Variants in PRR16 observed in about 807,000 individuals in gnomAD.
PRR16 encodes the protein proline rich 16, also known as protein Largen.
A neutral mutation model predicts 18.2 loss-of-function variants in PRR16; 6 were observed. The observed-to-expected ratio is 0.33, with a 90% CI of 0.18 to 0.65. The LOEUF (loss-of-function observed/expected upper bound fraction) is 0.65. Ranked by LOEUF, PRR16 falls within the 30% of genes least tolerant of loss-of-function variation. PRR16 has a pLI of 0.74. For synonymous variants in PRR16, 151 were observed against 147.8 expected (o/e 1.02, Z -0.16); for missense variants, 412 against 376.6 (o/e 1.09, Z -0.78).
chr5:120,584,022 T>C (rs1753358494), intron 1 of PRR16, among the ~76,000 whole-genome samples: 1 of 152,168 alleles, frequency 6.6e-6, no homozygotes, highest in Non-Finnish European at 1.5e-5. Flanking sequence ...AAGACAGAGA[T>C]ATGCAAATAA....
intron 1 of PRR16, among the ~76,000 whole-genome samples, chr5:120,678,628 G>C (rs544904553): frequency 6.6e-6 from 1 of 152,168 alleles, no homozygotes; most frequent in Non-Finnish European, 1.5e-5. Context: ...GGATCTACTA[G>C]TAGTTTTTTT....
chr5:120,576,872 A>G (rs569383820), intron 1 of PRR16, among the ~76,000 whole-genome samples: 2 of 152,182 alleles, frequency 1.3e-5, no homozygotes, highest in South Asian at 2.1e-4. Flanking sequence ...TTCTGCCTCT[A>G]TAATTGTGTG....
chr5:120,611,244 T>G (rs1232188246), intron 1 of PRR16, among the ~76,000 whole-genome samples: 2 of 152,142 alleles, frequency 1.3e-5, no homozygotes, highest in Non-Finnish European at 2.9e-5. Context: ...AGCGTTAAAG[T>G]TTGGACAGTT....
At chr5:120,664,355 T>C (rs1756285623) in intron 1 of PRR16, among the ~76,000 whole-genome samples, 1 of 151,708 alleles carries the variant, frequency 6.6e-6, no homozygotes, top group Admixed American at 6.6e-5. Flanking sequence ...CGTGCTGCAA[T>C]CCTGGGAAGG....
At chr5:120,512,327 G>T (rs1433349689) in intron 1 of PRR16, among the ~76,000 whole-genome samples, 1 of 152,100 alleles carries the variant, frequency 6.6e-6, no homozygotes, top group Non-Finnish European at 1.5e-5. Context: ...ATCCCTTAAA[G>T]ATCACAATTG....
In PRR16 at chr5:120,600,103, A is replaced by G. The variant is rs141122294; in HGVS notation, c.160-85851A>G. ...CGGCTCATCAATTATCTTTTCTGTT[A>G]TGATTCCATTTCAGGGAAATGCTCT... On this transcript the variant is annotated intron_variant, in intron 1 of 1. Transcript: ENST00000407149. Among the ~76,000 whole-genome samples, 5 of 151,932 alleles carry G rather than the reference A, an allele frequency of 3.3e-5. No homozygotes were observed. The East Asian group carries it at 7.7e-4, about 24-fold the overall frequency.
rs560915992 is a variant in PRR16, at chr5:120,489,627, T to C, written c.159+24982T>C. ...ATCCAGTTTGCCATTCTGTGTCTTT[T>C]AATTGCAGCATTTAGCCCATTTACA... On this transcript the variant is annotated intron_variant, in intron 1 of 1. Transcript: ENST00000407149. 1.8e-4 allele frequency among the ~76,000 whole-genome samples: 28 copies of C among 152,358 alleles called. No individual in the cohort carries two copies. In the South Asian group the frequency reaches 5.2e-3, roughly 28 times the overall value.
the PRR16 span, among the ~76,000 whole-genome samples, chr5:120,780,575 G>T: frequency 6.6e-6 from 1 of 152,218 alleles, no homozygotes; most frequent in Admixed American, 6.5e-5. Flanking sequence ...ATCCTAAAAT[G>T]TATATAATAA....
chr5:120,615,565 G>A (rs926653499), intron 1 of PRR16, among the ~76,000 whole-genome samples: 8 of 151,536 alleles, frequency 5.3e-5, no homozygotes, highest in Non-Finnish European at 8.8e-5. Flanking sequence ...AGGAGTATTC[G>A]TTGTAGATTT....
At chr5:120,740,452 T>G in the PRR16 span, among the ~76,000 whole-genome samples, 1 of 152,146 alleles carries the variant, frequency 6.6e-6, no homozygotes, top group African/African-American at 2.4e-5. Context: ...TGTGTTCATT[T>G]CTCTTTTAAA....
chr5:120,528,929 G>A (rs1476195118), intron 1 of PRR16, among the ~76,000 whole-genome samples: 8 of 152,168 alleles, frequency 5.3e-5, no homozygotes, highest in Admixed American at 5.2e-4. Flanking sequence ...GTGAAAAGAG[G>A]CAATGTTTGG....
At chr5:120,751,937 T>G in the PRR16 span, among the ~76,000 whole-genome samples, 4 of 152,230 alleles carry the variant, frequency 2.6e-5, 1 homozygote, top group African/African-American at 9.6e-5. Context: ...TCCAGTAACT[T>G]CTTTATTTAG....
intron 1 of PRR16, among the ~76,000 whole-genome samples, chr5:120,602,898 ATC>A (rs1390462389): frequency 6.6e-6 from 1 of 152,106 alleles, no homozygotes; most frequent in Non-Finnish European, 1.5e-5. Context: ...CCATCATCGC[ATC>A]TCAGGGATAA....
intron 1 of PRR16, among the ~76,000 whole-genome samples, chr5:120,517,297 T>TC (rs1751029537): frequency 1.3e-5 from 2 of 152,162 alleles, no homozygotes; most frequent in Non-Finnish European, 2.9e-5. Flanking sequence ...TCCATGTAAA[T>TC]AAATTAGAAC....
At chr5:120,495,835 A>G (rs1388958950) in intron 1 of PRR16, among the ~76,000 whole-genome samples, 1 of 152,018 alleles carries the variant, frequency 6.6e-6, no homozygotes, top group Non-Finnish European at 1.5e-5. Context: ...TGAATAGAAT[A>G]TGTTCAATAA....
the PRR16 span, among the ~76,000 whole-genome samples, chr5:120,768,502 A>T: frequency 6.6e-6 from 1 of 151,644 alleles, no homozygotes; most frequent in Non-Finnish European, 1.5e-5. Context: ...TCTCTAATTG[A>T]TTATAGAAGC....
chr5:120,741,785 G>A, the PRR16 span, among the ~76,000 whole-genome samples: 1 of 152,138 alleles, frequency 6.6e-6, no homozygotes, highest in East Asian at 1.9e-4. Flanking sequence ...ATTTTTAGTA[G>A]AGACGGGTTT....
intron 1 of PRR16, among the ~76,000 whole-genome samples, chr5:120,634,296 A>G (rs2112844937): frequency 6.6e-6 from 1 of 152,332 alleles, no homozygotes; most frequent in South Asian, 2.1e-4. Flanking sequence ...CCTCTGAGAT[A>G]TAGCAAAAAC....
chr5:120,513,244 T>C (rs1251851424), intron 1 of PRR16, among the ~76,000 whole-genome samples: 2 of 152,262 alleles, frequency 1.3e-5, no homozygotes, highest in East Asian at 3.9e-4. Flanking sequence ...AACAGTTTCT[T>C]TCTACTAGGG....
Sources: gnomAD v4.1 joint callset for allele counts (sites outside exome capture counted in the v4.1 genomes callset) on GRCh38, gnomAD v4.1.1 for gene constraint, MANE v1.5 for transcripts, NCBI Gene and HGNC (gene_info 2026-07-23, HGNC 2026-07-21) for gene names.